SP100: variants seen among roughly 807,000 people sequenced by gnomAD.
The protein encoded by SP100 is nuclear autoantigen Sp-100.
SP100 carries 84 observed loss-of-function variants against 130.0 expected under a neutral mutation model. The ratio of observed to expected loss-of-function variants is 0.65; its 90% confidence interval spans 0.54 to 0.77. The LOEUF is 0.77. Among genes scored for constraint, SP100 ranks in the 30% least tolerant of loss-of-function variants. The pLI is 0.00. For synonymous variants in SP100, 331 were observed against 351.7 expected (o/e 0.94, Z 0.66); for missense variants, 978 against 1,052.2 (o/e 0.93, Z 0.97).
intron 18 of SP100, among the ~76,000 whole-genome samples, chr2:230,498,077 G>C (rs572026107): frequency 6.6e-6 from 1 of 152,314 alleles, no homozygotes; most frequent in Admixed American, 6.5e-5. Context: ...GGTAGTAAAA[G>C]TCTCTATCTC....
At chr2:230,524,363 AAAAAAAAAG>A (rs2150100431) in intron 24 of SP100, among the ~76,000 whole-genome samples, 2 of 150,510 alleles carry the variant, frequency 1.3e-5, no homozygotes, top group African/African-American at 4.9e-5. Context: ...TCTCAAAAAA[AAAAAAAAAG>A]AAAAAGAAAA....
intron 15 of SP100, among the ~76,000 whole-genome samples, chr2:230,471,311 GTA>G (rs1417554097): frequency 6.6e-6 from 1 of 152,160 alleles, no homozygotes; most frequent in African/African-American, 2.4e-5. Context: ...GCTATGAGGT[GTA>G]CTCATTGATA....
At chr2:230,438,546 T>A (rs943140338) in intron 2 of SP100, among the ~76,000 whole-genome samples, 2 of 151,956 alleles carry the variant, frequency 1.3e-5, no homozygotes. Context: ...ATTCCTGAGT[T>A]GCTTCACTTA....
chr2:230,455,277 A>C lies in SP100; in HGVS notation c.820+5022A>C, dbSNP rs183545703. Reference sequence around the variant, plus strand: ...CAGGATTGCCTTATGTTGCCCAGGCAGGTCTCAAACTTCTGGGCTCAAGCA... The same window carrying C: ...CAGGATTGCCTTATGTTGCCCAGGCCGGTCTCAAACTTCTGGGCTCAAGCA... On this transcript the variant is annotated intron_variant, in intron 8 of 28. Coordinates refer to ENST00000340126, the MANE Select transcript of SP100 (RefSeq NM_001080391.2). 5.4e-4 allele frequency among the ~76,000 whole-genome samples: 82 copies of C among 152,184 alleles called. 3 individuals are homozygous for C. In the Middle Eastern group the frequency reaches 0.01, roughly 19 times the overall value.
intron 17 of SP100, among the ~76,000 whole-genome samples, chr2:230,491,734 C>T (rs1212038951): frequency 6.6e-6 from 1 of 152,230 alleles, no homozygotes; most frequent in African/African-American, 2.4e-5. Flanking sequence ...GGCCCCTCCC[C>T]CAACACACAA....
chr2:230,540,022 G>T lies in SP100; in HGVS notation c.2210+640G>T, dbSNP rs1481271266. Among the ~76,000 whole-genome samples the T allele has an allele frequency of 3.3e-5, 5 of 152,110 alleles. No individual in the cohort carries two copies. In the South Asian group the frequency reaches 1.0e-3, roughly 31 times the overall value. ...GCATTGCCCTTCCATAATGGAGGAG[G>T]CTAATGTGACCCACCTGCTCCCAGG... On this transcript the variant is annotated intron_variant, in intron 25 of 28. Transcript: ENST00000340126.
rs2150072439 is a variant in SP100 at position 230,506,252 on chromosome 2, A to G, written c.1871-51A>G. Reference sequence around the variant, plus strand: ...CCAGACCCCAGCATGGGGGGAGGCCAAGTTCAGGTGTTTTCACAGTTGGGG... The same window carrying G: ...CCAGACCCCAGCATGGGGGGAGGCCGAGTTCAGGTGTTTTCACAGTTGGGG... On this transcript the variant is annotated intron_variant, in intron 21 of 28. Transcript: ENST00000340126. 3 of 1,603,570 alleles carry G rather than the reference A, an allele frequency of 1.9e-6. No individual in the cohort carries two copies. In the East Asian group the frequency reaches 6.7e-5, roughly 36 times the overall value.
chr2:230,524,179 CAAAAAAAAAAA>C (rs71420292), intron 24 of SP100, among the ~76,000 whole-genome samples: 5 of 75,422 alleles, frequency 6.6e-5, no homozygotes, highest in Admixed American at 5.3e-4. Context: ...ACTAAAAATA[CAAAAAAAAAAA>C]AAAAAAAAAA....
rs888751322 is a variant in SP100, at chr2:230,494,424, A to G, written c.1609A>G (p.Arg537Gly). 1 of 1,604,454 alleles carries G rather than the reference A, an allele frequency of 6.2e-7. No individual in the cohort carries two copies. Among genetic ancestry groups the G allele is most frequent in the African/African-American group, 1.3e-5 (1 of 74,726 alleles). The change falls in exon 18 of 29, where the codon AGA becomes GGA. Residue 537 changes from arginine to glycine, a missense_variant. Coordinates refer to ENST00000340126, the MANE Select transcript of SP100 (RefSeq NM_001080391.2). The part of the protein sequence containing the change: ...EKHSGKRRKK[R>G]RHRSKVNGLQ... ...TTCTTTTCTGTTTGCAGGAAAAAAG[A>G]GAAGGCATAGATCTAAAGTAAATGG...
intron 2 of SP100, among the ~76,000 whole-genome samples, chr2:230,430,695 T>A (rs1003731726): frequency 6.6e-6 from 1 of 152,184 alleles, no homozygotes; most frequent in African/African-American, 2.4e-5. Context: ...CAGGGTGACT[T>A]GTTCTACTCC....
intron 8 of SP100, among the ~76,000 whole-genome samples, chr2:230,454,597 A>G (rs543851749): frequency 1.3e-5 from 2 of 152,120 alleles, no homozygotes; most frequent in Non-Finnish European, 2.9e-5. Flanking sequence ...AAATTTTTCA[A>G]AATTCCTCGT....
chr2:230,420,473 C>T (rs1575581354), intron 2 of SP100, among the ~76,000 whole-genome samples: 1 of 152,072 alleles, frequency 6.6e-6, no homozygotes, highest in Non-Finnish European at 1.5e-5. Context: ...TAGTTTTATT[C>T]CTGATTTCAA....
At chr2:230,440,873 T>A (rs1445438615) in intron 2 of SP100, among the ~76,000 whole-genome samples, 1 of 152,148 alleles carries the variant, frequency 6.6e-6, no homozygotes, top group African/African-American at 2.4e-5. Context: ...CATGCTAATA[T>A]TGTAAATTGT....
intron 23 of SP100, chr2:230,510,022 TGGA>T (rs1207136894): frequency 6.6e-6 from 1 of 152,616 alleles, no homozygotes; most frequent in Non-Finnish European, 1.5e-5. Flanking sequence ...ACTCATGGGA[TGGA>T]GTGGGAGATT....
chr2:230,494,025 T>A (rs2150044815), intron 17 of SP100: 1 of 183,134 alleles, frequency 5.5e-6, no homozygotes, highest in South Asian at 1.1e-4. Context: ...CCCAAAGAGC[T>A]GGGATTCCAG....
rs34684038 is a variant in SP100, at chr2:230,535,906, C to CAAAAAAAA, written c.2095-3339_2095-3332dup. Among the ~76,000 whole-genome samples, 30 of 47,604 alleles carry CAAAAAAAA rather than the reference C, an allele frequency of 6.3e-4. 1 individual carries two copies. Among genetic ancestry groups the CAAAAAAAA allele is most frequent in the African/African-American group, 3.2e-3 (29 of 8,978 alleles). 31.2% of individuals were successfully genotyped at this position (47,604 alleles called of 152,430 possible). ...TGGGTGACAGAGCAAGACTCCATCT[C>CAAAAAAAA]AAAAAAAAAAAAAAAAAAAAAAAAA... On this transcript the variant is annotated intron_variant, in intron 24 of 28. Coordinates refer to ENST00000340126, the MANE Select transcript of SP100 (RefSeq NM_001080391.2).
At chr2:230,435,465 A>G (rs775240224) in intron 2 of SP100, among the ~76,000 whole-genome samples, 22 of 152,212 alleles carry the variant, frequency 1.4e-4, no homozygotes, top group Non-Finnish European at 3.1e-4. Context: ...ATTAAGAGAA[A>G]TCTTCCTTTA....
chr2:230,503,069 GA>G lies in SP100; in HGVS notation c.1728del (p.Ala577ProfsTer6). 1 of 1,599,166 alleles carries G rather than the reference GA, an allele frequency of 6.3e-7. No homozygotes were observed. Among genetic ancestry groups the G allele is most frequent in the Admixed American group, 1.7e-5 (1 of 58,184 alleles). On this transcript the variant is annotated frameshift_variant, in exon 20 of 29. Transcript: ENST00000340126. LOFTEE classifies it high-confidence loss of function. ...VQKKRWQQRG[R>X]KANTRPLKRR... The stretch of plus-strand genomic sequence containing the variant: ...TGTTGTTTTTCAACTTTCTCAGGAA[GA>G]AAAGCCAACACTAGACCTTTGAAAA...
intron 5 of SP100, among the ~76,000 whole-genome samples, chr2:230,447,971 C>G (rs1209652387): frequency 6.6e-6 from 1 of 152,160 alleles, no homozygotes. Context: ...TAACATAAAC[C>G]CAGGTGTGGT....
Sources: allele counts gnomAD v4.1 joint callset (sites outside exome capture counted in the v4.1 genomes callset), GRCh38; gene constraint gnomAD v4.1.1; transcripts MANE v1.5; gene names NCBI Gene and HGNC (gene_info 2026-07-23, HGNC 2026-07-21).